Variants in TMEM132D observed in about 807,000 individuals in gnomAD.
TMEM132D encodes the protein mature OL transmembrane protein.
A neutral mutation model predicts 62.3 loss-of-function variants in TMEM132D; 21 were observed. That is an observed-to-expected ratio of 0.34 (90% CI 0.24 to 0.49). The LOEUF is 0.49. Ranked by LOEUF, TMEM132D falls within the 20% of genes least tolerant of loss-of-function variation. The pLI, the probability that TMEM132D is intolerant of heterozygous loss-of-function variation, is 0.99. For missense variants in TMEM132D, 1,346 were observed against 1,402.8 expected (o/e 0.96, Z 0.65); for synonymous variants, 621 against 575.6 (o/e 1.08, Z -1.13).
intron 3 of TMEM132D, among the ~76,000 whole-genome samples, chr12:129,341,385 C>T (rs1262235380): frequency 1.3e-5 from 2 of 152,178 alleles, no homozygotes; most frequent in Non-Finnish European, 2.9e-5. Context: ...TTCCACCTCC[C>T]ATGCATTCAA....
chr12:129,899,803 T>C (rs1875291674), intron 1 of TMEM132D, among the ~76,000 whole-genome samples: 1 of 152,174 alleles, frequency 6.6e-6, no homozygotes, highest in Non-Finnish European at 1.5e-5. Context: ...AAACAAAACT[T>C]AGTGGTCTCT....
intron 3 of TMEM132D, among the ~76,000 whole-genome samples, chr12:129,434,258 A>G (rs917526346): frequency 1.3e-5 from 2 of 152,224 alleles, no homozygotes; most frequent in South Asian, 4.1e-4. Flanking sequence ...TGTCAAATAG[A>G]CCAACCTGCT....
chr12:129,626,935 G>C lies in TMEM132D; in HGVS notation c.968+72875C>G, dbSNP rs117938065. ...AGCCAAGTCAGCGTTGGCTAAGACT[G>C]ATTTTTAATGTGGATACTCTACTTC... On this transcript the variant is annotated intron_variant, in intron 2 of 8. Transcript: ENST00000422113. 6.5e-3 allele frequency among the ~76,000 whole-genome samples: 995 copies of C among 152,256 alleles called. 6 individuals are homozygous for C. The highest frequency in any genetic ancestry group is 8.2e-3 in the Non-Finnish European group (561 of 68,014).
In TMEM132D at chr12:129,903,511, CG is replaced by C. The variant is rs1002923969; in HGVS notation, c.-173del. ...TCTTCCCGCCAGTCCATGGCCAGGC[CG>C]GGAGGCGACGACCGCGCGGGCTCCT... On this transcript the variant is annotated 5_prime_UTR_variant, in exon 1 of 9. Coordinates refer to ENST00000422113, the MANE Select transcript of TMEM132D (RefSeq NM_133448.3). This position sits in a 1 kb window ranked among gnomAD's most constrained non-coding sequence, Gnocchi z 6.2. The C allele has an allele frequency of 6.3e-4, 404 of 640,312 alleles. 1 individual carries two copies. Among genetic ancestry groups the C allele is most frequent in the Middle Eastern group, 3.0e-3 (7 of 2,314 alleles). 39.7% of individuals were successfully genotyped at this position (640,312 alleles called of 1,614,324 possible).
chr12:129,829,261 G>A (rs1171666459), intron 1 of TMEM132D, among the ~76,000 whole-genome samples: 2 of 152,084 alleles, frequency 1.3e-5, no homozygotes, highest in Non-Finnish European at 2.9e-5. Flanking sequence ...GGTTATTATA[G>A]AGTTCAGTGG....
chr12:129,721,249 G>A (rs1161388460), intron 1 of TMEM132D, among the ~76,000 whole-genome samples: 1 of 152,164 alleles, frequency 6.6e-6, no homozygotes, highest in Non-Finnish European at 1.5e-5. Flanking sequence ...CTGGCCCGGT[G>A]TTCCCTCTCA....
intron 1 of TMEM132D, among the ~76,000 whole-genome samples, chr12:129,886,542 A>C (rs1462912927): frequency 6.6e-6 from 1 of 152,186 alleles, no homozygotes; most frequent in East Asian, 1.9e-4. Flanking sequence ...CATATAATGT[A>C]GTTTAAACAG....
intron 1 of TMEM132D, among the ~76,000 whole-genome samples, chr12:129,705,441 G>A (rs930880902): frequency 6.6e-6 from 1 of 152,100 alleles, no homozygotes; most frequent in Non-Finnish European, 1.5e-5. Context: ...AAATCAGATT[G>A]TCTTCATTTG....
At chr12:129,493,990 T>G (rs77771964) in intron 3 of TMEM132D, among the ~76,000 whole-genome samples, 4,308 of 152,308 alleles carry the variant, frequency 0.028, 61 homozygotes, top group African/African-American at 0.046. Flanking sequence ...CAAATGGGCA[T>G]TCTAAGCTTC....
Position 129,634,411 on chromosome 12 carries a change from C to T in TMEM132D, c.968+65399G>A, listed in dbSNP as rs371037566. Among the ~76,000 whole-genome samples, 41 of 148,986 alleles carry T rather than the reference C, an allele frequency of 2.8e-4. 2 individuals are homozygous for T. Among genetic ancestry groups the T allele is most frequent in the East Asian group, 2.6e-3 (13 of 5,096 alleles). ...ATTGCTTGAACCCAGGATGTCGAGG[C>T]TGCAGTGAGCTGTGATTGTGCCAAT... On this transcript the variant is annotated intron_variant, in intron 2 of 8. Coordinates refer to ENST00000422113, the MANE Select transcript of TMEM132D (RefSeq NM_133448.3).
intron 5 of TMEM132D, among the ~76,000 whole-genome samples, chr12:129,121,746 A>T (rs1164443420): frequency 2.6e-5 from 4 of 152,232 alleles, no homozygotes; most frequent in Non-Finnish European, 4.4e-5. Context: ...AAATATGTGG[A>T]GGGATAAAGA....
At chr12:129,679,494 A>G (rs1301761350) in intron 2 of TMEM132D, among the ~76,000 whole-genome samples, 2 of 152,098 alleles carry the variant, frequency 1.3e-5, no homozygotes, top group East Asian at 3.8e-4. Context: ...TCTCAGCTCC[A>G]AGGTCAGAAT....
intron 3 of TMEM132D, among the ~76,000 whole-genome samples, chr12:129,377,720 C>T (rs1230488815): frequency 6.6e-6 from 1 of 152,164 alleles, no homozygotes; most frequent in Non-Finnish European, 1.5e-5. Flanking sequence ...CAATTGCCTT[C>T]TTTTGTCTGT....
At chr12:129,195,329 A>G in intron 5 of TMEM132D, among the ~76,000 whole-genome samples, 1 of 151,640 alleles carries the variant, frequency 6.6e-6, no homozygotes, top group Admixed American at 6.6e-5. Context: ...TGAGGTGAGG[A>G]TGGTAGGGGC....
At chr12:129,792,751 A>C in intron 1 of TMEM132D, among the ~76,000 whole-genome samples, 1 of 152,352 alleles carries the variant, frequency 6.6e-6, no homozygotes, top group African/African-American at 2.4e-5. Context: ...TTAAGAAGTA[A>C]GTTTAAGGTG....
At chr12:129,821,012 C>T (rs1054324796) in intron 1 of TMEM132D, among the ~76,000 whole-genome samples, 4 of 152,234 alleles carry the variant, frequency 2.6e-5, no homozygotes, top group African/African-American at 9.7e-5. Flanking sequence ...AACCACCTCT[C>T]TTCATTTTCT....
In TMEM132D at chr12:129,353,193, T is replaced by C. The variant is rs144451969; in HGVS notation, c.1116-15376A>G. On this transcript the variant is annotated intron_variant, in intron 3 of 8. Transcript: ENST00000422113. Reference sequence around the variant, plus strand: ...CAAACAGGATTGTGAACAACCATGTTAGAGGTTTATCAAAGCTTAATTATA... The same window carrying C: ...CAAACAGGATTGTGAACAACCATGTCAGAGGTTTATCAAAGCTTAATTATA... 3.3e-3 allele frequency among the ~76,000 whole-genome samples: 500 copies of C among 152,014 alleles called. 5 individuals carry two copies. The highest frequency in any genetic ancestry group is 0.011 in the African/African-American group (461 of 41,464).
chr12:129,513,264 G>A (rs917007608), intron 3 of TMEM132D, among the ~76,000 whole-genome samples: 2 of 152,160 alleles, frequency 1.3e-5, no homozygotes, highest in East Asian at 3.9e-4. Flanking sequence ...CCACTCTTAA[G>A]GGAACCTAAC....
In TMEM132D at chr12:129,830,461, G is replaced by A. The variant is rs116244166; in HGVS notation, c.79+72800C>T. Reference sequence around the variant, plus strand: ...GAGGCATATTCTGATTGCCTCCTTCGGAAAGGCTTAGTAGAAACTCAAAAG... The same window carrying A: ...GAGGCATATTCTGATTGCCTCCTTCAGAAAGGCTTAGTAGAAACTCAAAAG... On this transcript the variant is annotated intron_variant, in intron 1 of 8. Coordinates refer to ENST00000422113, the MANE Select transcript of TMEM132D (RefSeq NM_133448.3). Among the ~76,000 whole-genome samples, 841 of 152,124 alleles carry A rather than the reference G, an allele frequency of 5.5e-3. 8 individuals are homozygous for A. Among genetic ancestry groups the A allele is most frequent in the African/African-American group, 0.019 (775 of 41,502 alleles).
Sources: gnomAD v4.1 joint callset for allele counts (sites outside exome capture counted in the v4.1 genomes callset) on GRCh38, gnomAD v4.1.1 for gene constraint, Gnocchi (gnomAD v3.1) non-coding constraint, MANE v1.5 for transcripts, NCBI Gene and HGNC (gene_info 2026-07-23, HGNC 2026-07-21) for gene names.